MAOB: variants seen among roughly 807,000 people sequenced by gnomAD.
MAOB encodes amine oxidase [flavin-containing] B.
A neutral mutation model predicts 41.9 loss-of-function variants in MAOB; 15 were observed. The observed-to-expected ratio is 0.36, with a 90% CI of 0.24 to 0.55. MAOB has a LOEUF of 0.55. Ranked by LOEUF, MAOB falls within the 20% of genes least tolerant of loss-of-function variation. The pLI, the probability that MAOB is intolerant of heterozygous loss-of-function variation, is 0.86. For synonymous variants in MAOB, 167 were observed against 144.2 expected, an observed-to-expected ratio of 1.16 and a Z score of -1.13; for missense variants, 345 against 398.7, an observed-to-expected ratio of 0.87 and a Z score of 1.15.
At chrX:43,840,344 T>C (rs955758677) in intron 2 of MAOB, among the ~76,000 whole-genome samples, 2 of 111,684 alleles carry the variant, frequency 1.8e-5, no homozygotes, top group East Asian at 5.6e-4. Context: ...CAACAGTCAT[T>C]GTCCCCCTGA....
chrX:43,777,042 C>T (rs996553594), intron 11 of MAOB, among the ~76,000 whole-genome samples: 1 of 110,602 alleles, frequency 9.0e-6, no homozygotes, highest in Non-Finnish European at 1.9e-5. Flanking sequence ...CAAGTCTTTG[C>T]TATTGTGAAT....
chrX:43,843,901 C>G, intron 1 of MAOB, 137 bp from the exon 2 acceptor site: 1 of 1,014,071 alleles, frequency 9.9e-7, no homozygotes, highest in Admixed American at 4.3e-5. Flanking sequence ...CAAGTGGATA[C>G]GGTTTGTCAA....
At chrX:43,790,200 T>A (rs1413487542) in intron 8 of MAOB, among the ~76,000 whole-genome samples, 1 of 112,333 alleles carries the variant, frequency 8.9e-6, no homozygotes, top group Non-Finnish European at 1.9e-5. Context: ...TTAATTACAG[T>A]GTCTTTGGCA....
At chrX:43,813,549 T>A (rs1275619485) in intron 3 of MAOB, among the ~76,000 whole-genome samples, 3 of 112,390 alleles carry the variant, frequency 2.7e-5, no homozygotes. Flanking sequence ...AGATAGTCTC[T>A]GGAAGGCATT....
chrX:43,793,796 G>A (rs995184938), intron 7 of MAOB, among the ~76,000 whole-genome samples: 5 of 111,353 alleles, frequency 4.5e-5, no homozygotes, highest in African/African-American at 1.3e-4. Context: ...CACCATCATC[G>A]CCAAGGCCAC....
At chrX:43,876,272 T>A (rs2035439010) in intron 1 of MAOB, among the ~76,000 whole-genome samples, 1 of 111,647 alleles carries the variant, frequency 9.0e-6, no homozygotes, top group Admixed American at 9.5e-5. Flanking sequence ...TAACCACACT[T>A]ATTAATAACA....
chrX:43,817,269 C>T (rs112354492), intron 3 of MAOB, among the ~76,000 whole-genome samples: 2,123 of 110,287 alleles, frequency 0.019, 69 homozygotes, highest in African/African-American at 0.065. Flanking sequence ...ACTTTTACTG[C>T]TAGACAATAA....
intron 4 of MAOB, 98 bp downstream of exon 4, chrX:43,803,202 C>T: frequency 1.4e-6 from 1 of 726,287 alleles, no homozygotes; most frequent in Non-Finnish European, 1.9e-6. Context: ...ACCATGTGTT[C>T]ACAATGTGCT....
At position 43,795,835 on chromosome X, in the gene MAOB, G is replaced by A; in HGVS notation, c.672C>T (p.Leu224=). 8.3e-7 allele frequency: 1 copy of A among 1,209,906 alleles called. No homozygotes were observed. Among genetic ancestry groups the A allele is most frequent in the Non-Finnish European group, 1.1e-6 (1 of 893,985 alleles). The part of the protein sequence containing the change: ...SGQVSERIMD[L]LGDRVKLERP... The stretch of plus-strand genomic sequence containing the variant: ...TCTCCAGCTTCACTCGGTCTCCAAG[G>A]AGGTCCATTATCCGCTCACTCACTT... Residue 224 remains leucine, a synonymous_variant, in exon 7 of 15, where the codon CTC becomes CTT. Coordinates refer to ENST00000378069, the MANE Select transcript of MAOB (RefSeq NM_000898.5).
At chrX:43,879,398 C>A (rs938172251) in intron 1 of MAOB, among the ~76,000 whole-genome samples, 1 of 112,199 alleles carries the variant, frequency 8.9e-6, no homozygotes, top group Non-Finnish European at 1.9e-5. Flanking sequence ...AAGCTTAGAA[C>A]GCAGAGTCAA....
intron 12 of MAOB, among the ~76,000 whole-genome samples, chrX:43,774,431 C>A (rs988694161): frequency 6.3e-5 from 7 of 111,685 alleles, no homozygotes; most frequent in African/African-American, 1.6e-4. Context: ...TAAAAAATAA[C>A]TCATACTTCC....
chrX:43,856,955 ATTT>A (rs201106668), intron 1 of MAOB, among the ~76,000 whole-genome samples: 1 of 95,246 alleles, frequency 1.0e-5, no homozygotes, highest in Admixed American at 1.2e-4. Flanking sequence ...CTACAATTTA[ATTT>A]TTTTTTTTTT....
At chrX:43,845,374 A>G (rs2035188191) in intron 1 of MAOB, among the ~76,000 whole-genome samples, 1 of 112,494 alleles carries the variant, frequency 8.9e-6, no homozygotes, top group South Asian at 3.7e-4. Flanking sequence ...AGACACCACT[A>G]CTGCAAAATT....
At chrX:43,838,548 T>C (rs1211513889) in intron 3 of MAOB, among the ~76,000 whole-genome samples, 2 of 112,520 alleles carry the variant, frequency 1.8e-5, no homozygotes, top group Non-Finnish European at 3.7e-5. Context: ...CACAGGTTTT[T>C]ATATAACATA....
chrX:43,793,653 C>T (rs1172615756), intron 7 of MAOB, 75 bp from the exon 8 acceptor site: 1 of 858,541 alleles, frequency 1.2e-6, no homozygotes, highest in Non-Finnish European at 1.7e-6. Context: ...CTCTCTCATT[C>T]TATCGTTATA....
Position 43,838,856 on chromosome X carries a change from G to T in MAOB, c.279+12C>A, listed in dbSNP as rs761916856. On this transcript the variant is annotated intron_variant, in intron 3 of 14. Transcript: ENST00000378069. ...AAGTTTTCAAATCCTTCAAAGTCTG[G>T]CCTGATCTTACCTTTACATGGTGGA... 1 of 1,179,480 alleles carries T rather than the reference G, an allele frequency of 8.5e-7. No homozygotes were observed. Among genetic ancestry groups the T allele is most frequent in the Admixed American group, 2.4e-5 (1 of 41,260 alleles).
intron 8 of MAOB, among the ~76,000 whole-genome samples, chrX:43,786,282 G>A (rs1448173514): frequency 8.9e-6 from 1 of 111,814 alleles, no homozygotes; most frequent in African/African-American, 3.3e-5. Context: ...AAGACTCAGC[G>A]GCAAATGTTG....
chrX:43,840,102 T>C (rs1000040857), intron 2 of MAOB, among the ~76,000 whole-genome samples: 1 of 112,141 alleles, frequency 8.9e-6, no homozygotes, highest in Non-Finnish European at 1.9e-5. Context: ...GCAAAAACAA[T>C]GGCCAGTAGA....
chrX:43,851,440 T>G (rs2035251653), intron 1 of MAOB, among the ~76,000 whole-genome samples: 1 of 111,537 alleles, frequency 9.0e-6, no homozygotes, highest in African/African-American at 3.3e-5. Context: ...TTGAGGTAAA[T>G]GGGGTATCCA....
Sources: allele counts gnomAD v4.1 joint callset (sites outside exome capture counted in the v4.1 genomes callset), GRCh38; gene constraint gnomAD v4.1.1; transcripts MANE v1.5; gene names NCBI Gene and HGNC (gene_info 2026-07-23, HGNC 2026-07-21).